GPR176: variants seen among roughly 807,000 people sequenced by gnomAD.
GPR176 encodes G protein-coupled receptor 176, also known as G-protein coupled receptor 176.
GPR176 carries 26 observed loss-of-function variants against 35.4 expected under a neutral mutation model. That is an observed-to-expected ratio of 0.74 (90% CI 0.54 to 1.02). The LOEUF is 1.02. GPR176 is among the 50% of genes least tolerant of loss of function. GPR176 has a pLI of 0.00. For synonymous variants in GPR176, 278 were observed against 271.3 expected, an observed-to-expected ratio of 1.02 and a Z score of -0.24; for missense variants, 597 against 665.3, an observed-to-expected ratio of 0.90 and a Z score of 1.13.
rs776170929 is a variant in GPR176 at position 39,807,125 on chromosome 15, G to A, written c.306C>T (p.Ser102=). ...LVCVPFDIIL[S]TSPHCCWWIY... is the part of the protein sequence containing the mutation. ...TCCACCAGCAACAGTGAGGACTGGTGCTGAGGATGATGTCGAAGGGCACAC... is the reference window on the plus strand; with the variant it reads ...TCCACCAGCAACAGTGAGGACTGGTACTGAGGATGATGTCGAAGGGCACAC... The change falls in exon 2 of 3, where the codon AGC becomes AGT. Residue 102 remains serine (S), a synonymous_variant. Coordinates refer to ENST00000561100, the MANE Select transcript of GPR176 (RefSeq NM_007223.3). The A allele has an allele frequency of 1.3e-6, 2 of 1,584,078 alleles. No individual in the cohort carries two copies. Among genetic ancestry groups the A allele is most frequent in the Non-Finnish European group, 1.7e-6 (2 of 1,165,772 alleles).
chr15:39,863,359 T>A (rs1361785937), intron 1 of GPR176, among the ~76,000 whole-genome samples: 1 of 151,536 alleles, frequency 6.6e-6, no homozygotes, highest in East Asian at 1.9e-4. Context: ...AAAATAAAAA[T>A]TTTTAAAATA....
At chr15:39,859,814 G>A (rs571368406) in intron 1 of GPR176, among the ~76,000 whole-genome samples, 2 of 152,234 alleles carry the variant, frequency 1.3e-5, no homozygotes, top group South Asian at 4.2e-4. Flanking sequence ...TGGGGTGAGG[G>A]AGAAAAGGGG....
In GPR176 at chr15:39,844,106, T is replaced by C. The variant is rs569621424; in HGVS notation, c.173-36848A>G. On this transcript the variant is annotated intron_variant, in intron 1 of 2. Transcript: ENST00000561100. ...TAAAACTCTTCAAAGTCCCAAATAG[T>C]TTTCTCCATGCCCCTTTCAACAAAA... Among the ~76,000 whole-genome samples, 33 of 152,250 alleles carry C rather than the reference T, an allele frequency of 2.2e-4. No homozygotes were observed. In the South Asian group the frequency reaches 6.4e-3, roughly 30 times the overall value.
intron 1 of GPR176, among the ~76,000 whole-genome samples, chr15:39,849,580 C>T (rs893564876): frequency 2.0e-5 from 3 of 152,132 alleles, no homozygotes; most frequent in African/African-American, 7.2e-5. Flanking sequence ...ACACCATTCC[C>T]AAGCCTGCTT....
intron 1 of GPR176, among the ~76,000 whole-genome samples, chr15:39,881,947 A>G (rs955808766): frequency 1.3e-4 from 20 of 152,340 alleles, no homozygotes; most frequent in Middle Eastern, 3.4e-3. Context: ...TCTGTCACAA[A>G]TTCTTATCAA....
At chr15:39,803,770 A>G (rs749552278) in intron 2 of GPR176, among the ~76,000 whole-genome samples, 11 of 152,188 alleles carry the variant, frequency 7.2e-5, no homozygotes, top group Non-Finnish European at 1.6e-4. Flanking sequence ...GTAGCGCCTA[A>G]AGCCACCTGG....
rs140731368 is a variant in GPR176 at position 39,891,864 on chromosome 15, A to G, written c.172+27991T>C. Among the ~76,000 whole-genome samples, 387 of 152,332 alleles carry G rather than the reference A, an allele frequency of 2.5e-3. 3 individuals carry two copies. The highest frequency in any genetic ancestry group is 8.9e-3 in the African/African-American group (372 of 41,580). On this transcript the variant is annotated intron_variant, in intron 1 of 2. Coordinates refer to ENST00000561100, the MANE Select transcript of GPR176 (RefSeq NM_007223.3). ...TAAAAAAATAAAATTAAAATTAAAA[A>G]ATGATACTAGTGCTCCAGGTAGAAA...
intron 1 of GPR176, among the ~76,000 whole-genome samples, chr15:39,842,337 G>A (rs1390375378): frequency 6.6e-6 from 1 of 152,054 alleles, no homozygotes; most frequent in African/African-American, 2.4e-5. Flanking sequence ...ACCAGATCTT[G>A]GGAGAACTCT....
At chr15:39,872,006 C>T (rs193218927) in intron 1 of GPR176, among the ~76,000 whole-genome samples, 90 of 152,230 alleles carry the variant, frequency 5.9e-4, no homozygotes, top group Non-Finnish European at 8.2e-4. Flanking sequence ...CAATTTTATC[C>T]AATTCAGCAT....
At chr15:39,880,698 G>C (rs946690915) in intron 1 of GPR176, among the ~76,000 whole-genome samples, 1 of 151,972 alleles carries the variant, frequency 6.6e-6, no homozygotes, top group African/African-American at 2.4e-5. Flanking sequence ...GCCCAATATA[G>C]AGAACTAAGC....
intron 1 of GPR176, among the ~76,000 whole-genome samples, chr15:39,863,300 C>T (rs369395264): frequency 5.3e-5 from 8 of 151,206 alleles, no homozygotes; most frequent in Admixed American, 2.0e-4. Flanking sequence ...CCAGGATAGT[C>T]TTGATCTCCT....
At chr15:39,884,284 G>A (rs917636315) in intron 1 of GPR176, among the ~76,000 whole-genome samples, 1 of 152,204 alleles carries the variant, frequency 6.6e-6, no homozygotes, top group Admixed American at 6.5e-5. Flanking sequence ...GAAAGTTTCT[G>A]CATATTGTAA....
At chr15:39,880,489 T>C (rs1470754107) in intron 1 of GPR176, among the ~76,000 whole-genome samples, 1 of 152,244 alleles carries the variant, frequency 6.6e-6, no homozygotes, top group Non-Finnish European at 1.5e-5. Context: ...CCACTCAATT[T>C]TGATGACTTC....
rs372442129 is a variant in GPR176 at position 39,920,003 on chromosome 15, G to A, written c.24C>T (p.Ile8=). MGHNGSW[I]SPNASEPHNA... ...TGTGCGGCTCGCTGGCATTTGGAGA[G>A]ATCCAGCTCCCGTTATGTCCCATGG... The change falls in exon 1 of 3, where the codon ATC becomes ATT. Residue 8 remains isoleucine, a synonymous_variant. Coordinates refer to ENST00000561100, the MANE Select transcript of GPR176 (RefSeq NM_007223.3). The A allele has an allele frequency of 1.2e-5, 17 of 1,417,772 alleles. No individual in the cohort carries two copies. The highest frequency in any genetic ancestry group is 1.5e-5 in the Non-Finnish European group (16 of 1,081,878). The allele number at this position is 1,417,772 out of a possible 1,614,324, so 87.8% of individuals were successfully genotyped here.
At chr15:39,839,656 C>T (rs575860981) in intron 1 of GPR176, among the ~76,000 whole-genome samples, 25 of 152,232 alleles carry the variant, frequency 1.6e-4, no homozygotes, top group Non-Finnish European at 3.4e-4. Context: ...AGAGCTTCTG[C>T]ACAGCAAAAG....
At position 39,799,817 on chromosome 15, in the gene GPR176, T is replaced by G. The variant is rs1348700966; in HGVS notation, c.*1315A>C. The G allele has an allele frequency of 6.6e-6, 1 of 152,238 alleles. No homozygotes were observed. Among genetic ancestry groups the G allele is most frequent in the Non-Finnish European group, 1.5e-5 (1 of 68,056 alleles). The allele number at this position is 152,238 out of a possible 1,614,324, so 9.4% of individuals were successfully genotyped here. A position where few individuals can be genotyped will look rare whatever the true frequency, so the allele number is the denominator to read the frequency against. On this transcript the variant is annotated 3_prime_UTR_variant, in exon 3 of 3. Coordinates refer to ENST00000561100, the MANE Select transcript of GPR176 (RefSeq NM_007223.3). ...CCACCCCAGAGGGGTCCCAAATTGC[T>G]TGTGAGGCTGATGAGTTGAGGACAC...
chr15:39,890,343 T>C (rs971808943), intron 1 of GPR176, among the ~76,000 whole-genome samples: 3 of 152,160 alleles, frequency 2.0e-5, no homozygotes, highest in Non-Finnish European at 4.4e-5. Flanking sequence ...ATAGAAGAGA[T>C]TGCACTGAAA....
chr15:39,840,395 C>T (rs1901667448), intron 1 of GPR176, among the ~76,000 whole-genome samples: 1 of 152,140 alleles, frequency 6.6e-6, no homozygotes, highest in Non-Finnish European at 1.5e-5. Context: ...GAAAACCAAA[C>T]ACCGCATGTT....
At chr15:39,866,011 CATAA>C (rs1393557297) in intron 1 of GPR176, among the ~76,000 whole-genome samples, 1 of 151,522 alleles carries the variant, frequency 6.6e-6, no homozygotes, top group Non-Finnish European at 1.5e-5. Flanking sequence ...TTCTGTGAAT[CATAA>C]AAAGGGATGA....
Sources: allele counts gnomAD v4.1 joint callset (sites outside exome capture counted in the v4.1 genomes callset), GRCh38; gene constraint gnomAD v4.1.1; transcripts MANE v1.5; gene names NCBI Gene and HGNC (gene_info 2026-07-23, HGNC 2026-07-21).